The following ADGRL3 variants were observed in gnomAD, a reference collection of about 807,000 sequenced individuals.
ADGRL3 encodes adhesion G protein-coupled receptor L3.
A neutral mutation model predicts 153.5 loss-of-function variants in ADGRL3; 62 were observed. That is an observed-to-expected ratio of 0.40 (90% CI 0.33 to 0.50). The LOEUF (loss-of-function observed/expected upper bound fraction) is 0.50, where lower values mean the gene tolerates loss of function less well. ADGRL3 is among the 20% of genes least tolerant of loss of function. ADGRL3 has a pLI of 0.47. For synonymous variants in ADGRL3, 710 were observed against 672.5 expected (o/e 1.06, Z -0.86); for missense variants, 1,641 against 1,859.4 (o/e 0.88, Z 2.16).
chr4:61,854,300 C>T (rs1164326145), intron 9 of ADGRL3, among the ~76,000 whole-genome samples: 1 of 152,148 alleles, frequency 6.6e-6, no homozygotes, highest in African/African-American at 2.4e-5. Context: ...AAACACCAGC[C>T]TCCTTGGAGG....
chr4:61,704,424 A>G (rs1201612315), intron 6 of ADGRL3, among the ~76,000 whole-genome samples: 2 of 152,210 alleles, frequency 1.3e-5, no homozygotes, highest in East Asian at 3.9e-4. Flanking sequence ...TTATGTCTAA[A>G]AAATACATAC....
At chr4:62,035,148 A>G (rs1460547186) in intron 23 of ADGRL3, among the ~76,000 whole-genome samples, 2 of 151,998 alleles carry the variant, frequency 1.3e-5, no homozygotes, top group Non-Finnish European at 2.9e-5. Flanking sequence ...TACCATTTCA[A>G]ATCAAATCAC....
At chr4:61,498,742 A>G (rs2098349817) in intron 3 of ADGRL3, among the ~76,000 whole-genome samples, 1 of 152,170 alleles carries the variant, frequency 6.6e-6, no homozygotes, top group East Asian at 1.9e-4. Flanking sequence ...TGCAAATTTT[A>G]TAAAATATAT....
chr4:61,763,053 T>A (rs1580701065), intron 8 of ADGRL3, among the ~76,000 whole-genome samples: 1 of 152,276 alleles, frequency 6.6e-6, no homozygotes, highest in East Asian at 1.9e-4. Flanking sequence ...AAAAAAGAAA[T>A]ATATGCTTCA....
At chr4:62,013,616 A>T (rs1365041913) in intron 21 of ADGRL3, among the ~76,000 whole-genome samples, 2 of 151,978 alleles carry the variant, frequency 1.3e-5, no homozygotes, top group African/African-American at 2.4e-5. Context: ...ACGGCCGGGC[A>T]TGGTGACTTA....
chr4:61,426,242 C>T (rs1219251698), intron 2 of ADGRL3, among the ~76,000 whole-genome samples: 3 of 152,270 alleles, frequency 2.0e-5, no homozygotes, highest in African/African-American at 7.2e-5. Context: ...CCCTGGTAAA[C>T]TGCCCATCTA....
At chr4:62,067,398 A>C (rs1743537403) in intron 25 of ADGRL3, among the ~76,000 whole-genome samples, 2 of 152,064 alleles carry the variant, frequency 1.3e-5, no homozygotes, top group Non-Finnish European at 2.9e-5. Flanking sequence ...CAACTCTCAA[A>C]ATGTTTGATT....
intron 19 of ADGRL3, among the ~76,000 whole-genome samples, chr4:61,995,185 T>G (rs1159117979): frequency 6.6e-6 from 1 of 151,110 alleles, no homozygotes; most frequent in African/African-American, 2.4e-5. Context: ...ATTACAGATG[T>G]GAGACACCAC....
intron 1 of ADGRL3, among the ~76,000 whole-genome samples, chr4:61,381,151 A>G (rs968191979): frequency 6.6e-6 from 1 of 151,726 alleles, no homozygotes; most frequent in Non-Finnish European, 1.5e-5. Context: ...TAAATGGAAG[A>G]CTCTCTGTCC....
At chr4:61,484,188 G>T (rs2098164503) in intron 2 of ADGRL3, among the ~76,000 whole-genome samples, 1 of 151,950 alleles carries the variant, frequency 6.6e-6, no homozygotes, top group Non-Finnish European at 1.5e-5. Context: ...TGCTGCTCCA[G>T]TTCAATTTCT....
chr4:61,310,990 G>A (rs1431143687), intron 1 of ADGRL3, among the ~76,000 whole-genome samples: 1 of 151,734 alleles, frequency 6.6e-6, no homozygotes, highest in Non-Finnish European at 1.5e-5. Context: ...GGAAAAAAAT[G>A]GATATCTAGA....
At chr4:61,425,507 A>G (rs1008390696) in intron 2 of ADGRL3, 1 of 152,274 alleles carries the variant, frequency 6.6e-6, no homozygotes, top group Non-Finnish European at 1.5e-5. Flanking sequence ...GCAGCATGTC[A>G]ATCTATGGTC....
At chr4:61,595,232 A>G (rs2149448150) in intron 5 of ADGRL3, among the ~76,000 whole-genome samples, 1 of 152,204 alleles carries the variant, frequency 6.6e-6, no homozygotes, top group Admixed American at 6.5e-5. Context: ...TTTCTTAAAC[A>G]GAAGTATTTC....
chr4:61,736,841 A>G (rs1397478537), intron 8 of ADGRL3, among the ~76,000 whole-genome samples: 1 of 152,224 alleles, frequency 6.6e-6, no homozygotes, highest in Non-Finnish European at 1.5e-5. Flanking sequence ...TAAATTTGTC[A>G]GTATAATCAC....
At chr4:61,524,705 A>C (rs2098549586) in intron 4 of ADGRL3, among the ~76,000 whole-genome samples, 1 of 152,196 alleles carries the variant, frequency 6.6e-6, no homozygotes, top group South Asian at 2.1e-4. Flanking sequence ...GAAATGGTAA[A>C]GCATGTGGTT....
chr4:61,224,038 A>G (rs184277159), intron 1 of ADGRL3, among the ~76,000 whole-genome samples: 3 of 152,042 alleles, frequency 2.0e-5, no homozygotes, highest in South Asian at 2.1e-4. Context: ...AAAATTATTA[A>G]ATTTTAAAAA....
intron 9 of ADGRL3, among the ~76,000 whole-genome samples, chr4:61,888,662 T>C (rs888933103): frequency 2.0e-5 from 3 of 152,146 alleles, no homozygotes; most frequent in Admixed American, 2.0e-4. Flanking sequence ...TAAAGTTAAA[T>C]GGAATGGTAT....
chr4:61,795,989 C>G (rs1298083888), intron 8 of ADGRL3, among the ~76,000 whole-genome samples: 1 of 152,046 alleles, frequency 6.6e-6, no homozygotes, highest in African/African-American at 2.4e-5. Flanking sequence ...ATTACAGACA[C>G]CCAGCTCCAT....
chr4:61,446,396 A>G (rs1056575343), intron 2 of ADGRL3, among the ~76,000 whole-genome samples: 1 of 152,128 alleles, frequency 6.6e-6, no homozygotes, highest in Admixed American at 6.5e-5. Flanking sequence ...ATTTATTCTT[A>G]TGTGATGGTA....
Sources: gnomAD v4.1 joint callset for allele counts (sites outside exome capture counted in the v4.1 genomes callset) on GRCh38, gnomAD v4.1.1 for gene constraint, MANE v1.5 for transcripts, NCBI Gene and HGNC (gene_info 2026-07-23, HGNC 2026-07-21) for gene names.